The following COL23A1 variants were observed in gnomAD, a reference collection of about 807,000 sequenced individuals.
COL23A1 encodes collagen alpha-1(XXIII) chain.
COL23A1 carries 97 observed loss-of-function variants against 99.3 expected under a neutral mutation model. The observed-to-expected ratio is 0.98, with a 90% CI of 0.83 to 1.16. The LOEUF (loss-of-function observed/expected upper bound fraction) is 1.16. COL23A1 is among the 50% of genes most tolerant of loss of function. The pLI is 0.00. For synonymous variants in COL23A1, 320 were observed against 308.2 expected, an observed-to-expected ratio of 1.04 and a Z score of -0.40; for missense variants, 762 against 757.4, an observed-to-expected ratio of 1.01 and a Z score of -0.07.
chr5:178,583,529 G>A (rs1248825701), intron 1 of COL23A1, among the ~76,000 whole-genome samples: 8 of 152,200 alleles, frequency 5.3e-5, no homozygotes, highest in African/African-American at 1.9e-4. Flanking sequence ...CGCCCATCGA[G>A]AGGCTGCCCT....
chr5:178,585,726 CACTCCACA>C (rs1763947781), intron 1 of COL23A1, among the ~76,000 whole-genome samples: 15 of 1,760 alleles, frequency 8.5e-3, no homozygotes, highest in East Asian at 0.014. Flanking sequence ...GCTGGGGTAA[CACTCCACA>C]GCCCTGGCTG....
At chr5:178,262,684 G>A (rs1270846545) in intron 9 of COL23A1, among the ~76,000 whole-genome samples, 1 of 152,148 alleles carries the variant, frequency 6.6e-6, no homozygotes, top group Non-Finnish European at 1.5e-5. Flanking sequence ...TACTATTGGG[G>A]AGCATGAGGG....
chr5:178,343,853 G>A (rs1262506067), intron 2 of COL23A1, among the ~76,000 whole-genome samples: 3 of 152,004 alleles, frequency 2.0e-5, no homozygotes, highest in Admixed American at 2.0e-4. Flanking sequence ...AGTAGAGATG[G>A]AGTTTCACCA....
intron 2 of COL23A1, among the ~76,000 whole-genome samples, chr5:178,533,236 A>T (rs1196076714): frequency 6.6e-6 from 1 of 152,208 alleles, no homozygotes; most frequent in African/African-American, 2.4e-5. Context: ...GCTATTCTTA[A>T]GTGCACAATT....
chr5:178,578,149 GCA>G (rs969200250), intron 1 of COL23A1, among the ~76,000 whole-genome samples: 5 of 151,184 alleles, frequency 3.3e-5, no homozygotes, highest in South Asian at 2.1e-4. Context: ...GCACACACAT[GCA>G]CACACAGGCA....
intron 2 of COL23A1, among the ~76,000 whole-genome samples, chr5:178,393,874 G>A (rs764823573): frequency 1.3e-5 from 2 of 152,118 alleles, no homozygotes; most frequent in Non-Finnish European, 2.9e-5. Flanking sequence ...TAATCCACCT[G>A]CTTTGGCCTC....
At chr5:178,364,464 T>C (rs920798994) in intron 2 of COL23A1, among the ~76,000 whole-genome samples, 1 of 111,148 alleles carries the variant, frequency 9.0e-6, no homozygotes, top group Non-Finnish European at 1.9e-5. Flanking sequence ...GGGGCCCGCC[T>C]GTGCAGAGAG....
In COL23A1 at chr5:178,246,282, A is replaced by G. The variant is rs780317369; in HGVS notation, c.1385T>C (p.Ile462Thr). 3.7e-5 allele frequency: 57 copies of G among 1,555,100 alleles called. No homozygotes were observed. The highest frequency in any genetic ancestry group is 2.2e-4 in the East Asian group (9 of 41,568). Residue 462 changes from isoleucine to threonine, a missense_variant, in exon 24 of 29, where the codon ATT (isoleucine) becomes ACT (threonine). Physicochemically the swap from Ile to Thr is moderately conservative, Grantham distance 89. Transcript: ENST00000390654. ...LPGPVGPPGL[I>T]GLPGTKGEKG... Reference sequence around the variant, plus strand: ...CTCTCCTTTGGTTCCTGGCAGCCCAATAAGGCCCGGTGGGCCAACTGGCCC... The same window carrying G: ...CTCTCCTTTGGTTCCTGGCAGCCCAGTAAGGCCCGGTGGGCCAACTGGCCC...
chr5:178,308,626 T>G lies in COL23A1; in HGVS notation c.362-1707A>C, dbSNP rs1026240481. ...GCCGAGGCCTGCGACACCCACACTGTCCGGCCAATTACCTTCCTATCTCCA... is the reference window on the plus strand; with the variant it reads ...GCCGAGGCCTGCGACACCCACACTGGCCGGCCAATTACCTTCCTATCTCCA... On this transcript the variant is annotated intron_variant, in intron 2 of 28. Coordinates refer to ENST00000390654, the MANE Select transcript of COL23A1 (RefSeq NM_173465.4). This position sits in a 1 kb window ranked among gnomAD's most constrained non-coding sequence, Gnocchi z 5.1. 2.0e-5 allele frequency among the ~76,000 whole-genome samples: 3 copies of G among 152,306 alleles called. No homozygotes were observed. Among genetic ancestry groups the G allele is most frequent in the African/African-American group, 7.2e-5 (3 of 41,558 alleles).
At chr5:178,273,099 G>C (rs925056550) in intron 5 of COL23A1, among the ~76,000 whole-genome samples, 2 of 152,180 alleles carry the variant, frequency 1.3e-5, no homozygotes, top group African/African-American at 4.8e-5. Flanking sequence ...CCTGCTCTAG[G>C]CCTCGGAAAC....
intron 2 of COL23A1, among the ~76,000 whole-genome samples, chr5:178,344,684 C>T (rs1205460144): frequency 6.6e-6 from 1 of 152,154 alleles, no homozygotes; most frequent in South Asian, 2.1e-4. Context: ...AATACAACTA[C>T]CCATTTTTTC....
chr5:178,475,382 G>C (rs1756973951), intron 2 of COL23A1, among the ~76,000 whole-genome samples: 2 of 152,142 alleles, frequency 1.3e-5, no homozygotes, highest in African/African-American at 4.8e-5. Flanking sequence ...AAACCAAAAT[G>C]AAGTGAAGGA....
At chr5:178,261,507 A>G (rs878868769) in intron 11 of COL23A1, among the ~76,000 whole-genome samples, 1 of 152,204 alleles carries the variant, frequency 6.6e-6, no homozygotes, top group African/African-American at 2.4e-5. Context: ...AGTGTGAAAA[A>G]GGCAGGAAAG....
chr5:178,357,930 ATGTGTATGTATGTG>A (rs1266709170), intron 2 of COL23A1, among the ~76,000 whole-genome samples: 5 of 132,352 alleles, frequency 3.8e-5, no homozygotes, highest in East Asian at 2.3e-4. Flanking sequence ...GTATGTGTGT[ATGTGTATGTATGTG>A]TGTGTATGTA....
intron 2 of COL23A1, among the ~76,000 whole-genome samples, chr5:178,523,177 T>TATATATATAC (rs1348442017): frequency 3.9e-5 from 3 of 77,866 alleles, no homozygotes; most frequent in Non-Finnish European, 7.9e-5. Flanking sequence ...TATATATATA[T>TATATATATAC]ACACATATAT....
At position 178,589,946 on chromosome 5, in the gene COL23A1, C is replaced by A; in HGVS notation, c.252G>T (p.Leu84=). 1 of 1,331,986 alleles carries A rather than the reference C, an allele frequency of 7.5e-7. No homozygotes were observed. The highest frequency in any genetic ancestry group is 2.0e-5 in the South Asian group (1 of 49,824). 82.5% of individuals were successfully genotyped at this position (1,331,986 alleles called of 1,614,324 possible). Residue 84 remains leucine, a synonymous_variant, in exon 1 of 29, where the codon CTG becomes CTT. Transcript: ENST00000390654. This position sits in a 1 kb window ranked among gnomAD's most constrained non-coding sequence, Gnocchi z 5.4. ...LLRRAGPPGA[L]DAWAEPHLER... Reference sequence around the variant, plus strand: ...CCAGGTGCGGCTCGGCCCAGGCGTCCAGGGCGCCTGGCGGCCCCGCGCGCC... The same window carrying A: ...CCAGGTGCGGCTCGGCCCAGGCGTCAAGGGCGCCTGGCGGCCCCGCGCGCC...
At chr5:178,320,629 G>A (rs938994378) in intron 2 of COL23A1, among the ~76,000 whole-genome samples, 41 of 152,190 alleles carry the variant, frequency 2.7e-4, no homozygotes, top group African/African-American at 9.2e-4. Flanking sequence ...GGCCTATGAG[G>A]CTACAAGGCC....
chr5:178,541,618 T>C (rs1215600192), intron 2 of COL23A1, among the ~76,000 whole-genome samples: 1 of 152,172 alleles, frequency 6.6e-6, no homozygotes. Flanking sequence ...ATGTATACCT[T>C]ACGCCCAGCA....
chr5:178,433,470 G>A (rs1368480429), intron 2 of COL23A1, among the ~76,000 whole-genome samples: 1 of 152,120 alleles, frequency 6.6e-6, no homozygotes, highest in Non-Finnish European at 1.5e-5. Flanking sequence ...CGTTGCTGAG[G>A]GTTTTTATGG....
Sources: allele counts gnomAD v4.1 joint callset (sites outside exome capture counted in the v4.1 genomes callset), GRCh38; gene constraint gnomAD v4.1.1; non-coding constraint Gnocchi (gnomAD v3.1); transcripts MANE v1.5; gene names NCBI Gene and HGNC (gene_info 2026-07-23, HGNC 2026-07-21).